The following DGKB variants were observed in gnomAD, a reference collection of about 807,000 sequenced individuals.
DGKB encodes the protein 90 kDa diacylglycerol kinase.
In DGKB, 67 loss-of-function variants were observed where a neutral mutation model predicts 114.3. The observed-to-expected ratio is 0.59, with a 90% CI of 0.48 to 0.72. DGKB has a LOEUF of 0.72. DGKB is among the 30% of genes least tolerant of loss of function. The probability of loss-of-function intolerance (pLI) is 0.00; values close to 1 mark genes in which losing one functional copy is unlikely to be tolerated. For synonymous variants in DGKB, 398 were observed against 323.1 expected, an observed-to-expected ratio of 1.23 and a Z score of -2.49; for missense variants, 907 against 975.2, an observed-to-expected ratio of 0.93 and a Z score of 0.93.
intron 2 of DGKB, among the ~76,000 whole-genome samples, chr7:14,840,366 T>G (rs375018578): frequency 2.0e-5 from 3 of 152,154 alleles, no homozygotes; most frequent in East Asian, 3.8e-4. Context: ...TGCCTGCTAT[T>G]AATTAGTTGT....
intron 23 of DGKB, among the ~76,000 whole-genome samples, chr7:14,294,900 G>A: frequency 6.6e-6 from 1 of 152,144 alleles, no homozygotes; most frequent in East Asian, 1.9e-4. Context: ...GGAGAGTCTT[G>A]TTGGAGTTCA....
chr7:14,387,439 G>T (rs1408180216), intron 21 of DGKB, among the ~76,000 whole-genome samples: 1 of 149,008 alleles, frequency 6.7e-6, no homozygotes, highest in African/African-American at 2.5e-5. Context: ...AAAAGACAGG[G>T]TCTCATTCTG....
At chr7:14,685,116 A>C (rs2128975291) in intron 10 of DGKB, 129 bp downstream of exon 10, 2 of 504,636 alleles carry the variant, frequency 4.0e-6, no homozygotes, top group South Asian at 9.2e-5. Flanking sequence ...ACTACAGGAA[A>C]ATATAAATCA....
At chr7:14,867,946 G>A (rs1350165167) in intron 1 of DGKB, among the ~76,000 whole-genome samples, 1 of 152,130 alleles carries the variant, frequency 6.6e-6, no homozygotes, top group African/African-American at 2.4e-5. Flanking sequence ...GCATTCTTGA[G>A]GTGCTCCCCA....
At chr7:14,452,824 G>T (rs2128845862) in intron 21 of DGKB, among the ~76,000 whole-genome samples, 1 of 152,070 alleles carries the variant, frequency 6.6e-6, no homozygotes, top group Admixed American at 6.6e-5. Context: ...CACAAACCTA[G>T]ATATTTTTAT....
intron 1 of DGKB, among the ~76,000 whole-genome samples, chr7:14,956,488 TAGTA>T (rs578029181): frequency 2.9e-3 from 442 of 152,142 alleles, no homozygotes; most frequent in Non-Finnish European, 5.3e-3. Flanking sequence ...TTTTGCAAAG[TAGTA>T]AGTAATTTAC....
At chr7:14,667,242 A>G (rs1818201761) in intron 13 of DGKB, among the ~76,000 whole-genome samples, 1 of 151,924 alleles carries the variant, frequency 6.6e-6, no homozygotes, top group Non-Finnish European at 1.5e-5. Context: ...ATGACCCTGG[A>G]GAAGGTGTTC....
At chr7:14,300,833 A>G (rs1164878609) in intron 23 of DGKB, among the ~76,000 whole-genome samples, 1 of 152,086 alleles carries the variant, frequency 6.6e-6, no homozygotes, top group Admixed American at 6.6e-5. Context: ...ACTTTAAGGT[A>G]CCTCATTTCA....
intron 22 of DGKB, among the ~76,000 whole-genome samples, chr7:14,342,284 T>A (rs1424211652): frequency 6.6e-6 from 1 of 151,858 alleles, no homozygotes; most frequent in Non-Finnish European, 1.5e-5. Flanking sequence ...ACCAAAAGAC[T>A]GAAATATCTA....
intron 1 of DGKB, among the ~76,000 whole-genome samples, chr7:14,929,754 T>C (rs919495167): frequency 2.0e-5 from 3 of 152,150 alleles, no homozygotes; most frequent in Admixed American, 2.0e-4. Flanking sequence ...TTTTTGTTGT[T>C]GTTGCCTATA....
intron 23 of DGKB, among the ~76,000 whole-genome samples, chr7:14,299,356 G>A (rs541673400): frequency 1.3e-5 from 2 of 152,214 alleles, no homozygotes; most frequent in Non-Finnish European, 2.9e-5. Flanking sequence ...TTACATTTCT[G>A]TAACAAGAAT....
At chr7:14,764,032 A>G (rs1836095515) in intron 2 of DGKB, among the ~76,000 whole-genome samples, 2 of 151,894 alleles carry the variant, frequency 1.3e-5, no homozygotes, top group Admixed American at 6.6e-5. Context: ...TTAAAATCTA[A>G]GCCTCCCCAC....
chr7:14,535,103 C>G (rs764731152), intron 20 of DGKB, among the ~76,000 whole-genome samples: 5 of 152,106 alleles, frequency 3.3e-5, no homozygotes, highest in Non-Finnish European at 7.4e-5. Flanking sequence ...GGCACAGTGG[C>G]TCACACTTGT....
Position 14,475,423 on chromosome 7 carries a change from A to G in DGKB, c.1835+2738T>C, listed in dbSNP as rs17651957. 5.0e-3 allele frequency among the ~76,000 whole-genome samples: 759 copies of G among 152,270 alleles called. 7 individuals are homozygous for G. The highest frequency in any genetic ancestry group is 7.0e-3 in the Non-Finnish European group (475 of 67,982). On this transcript the variant is annotated intron_variant, in intron 21 of 25. Coordinates refer to ENST00000402815, the MANE Select transcript of DGKB (RefSeq NM_001350709.2). ...ACATTATGGTTTAGGGAATTGCCTA[A>G]ATGCTTGAAATGATAACTGTAGACT...
At chr7:14,683,518 A>G (rs1821184335) in intron 10 of DGKB, among the ~76,000 whole-genome samples, 1 of 152,160 alleles carries the variant, frequency 6.6e-6, no homozygotes, top group African/African-American at 2.4e-5. Context: ...TACGTGTCAG[A>G]AAACCAAGAC....
chr7:14,927,074 T>C (rs751119609), intron 1 of DGKB, among the ~76,000 whole-genome samples: 4 of 152,038 alleles, frequency 2.6e-5, no homozygotes, highest in Non-Finnish European at 4.4e-5. Flanking sequence ...GATGATTATT[T>C]GTCTACACCA....
intron 20 of DGKB, among the ~76,000 whole-genome samples, chr7:14,571,844 T>C (rs1445415165): frequency 6.6e-6 from 1 of 151,914 alleles, no homozygotes; most frequent in East Asian, 1.9e-4. Flanking sequence ...GACACAGGGG[T>C]GATCTCTAGG....
At chr7:14,239,738 C>T (rs1409725833) in intron 23 of DGKB, among the ~76,000 whole-genome samples, 2 of 151,942 alleles carry the variant, frequency 1.3e-5, no homozygotes, top group African/African-American at 4.8e-5. Flanking sequence ...TAAAGTTGCT[C>T]CAGACTTCCT....
intron 1 of DGKB, among the ~76,000 whole-genome samples, chr7:14,898,712 C>T (rs1227294968): frequency 6.6e-6 from 1 of 152,048 alleles, no homozygotes; most frequent in Non-Finnish European, 1.5e-5. Context: ...TGAATCAGGG[C>T]CAACAATGTG....
Sources: allele counts gnomAD v4.1 joint callset (sites outside exome capture counted in the v4.1 genomes callset), GRCh38; gene constraint gnomAD v4.1.1; transcripts MANE v1.5; gene names NCBI Gene and HGNC (gene_info 2026-07-23, HGNC 2026-07-21).